PKHD1: variants seen among roughly 807,000 people sequenced by gnomAD.
The protein encoded by PKHD1 is fibrocystin.
A neutral mutation model predicts 412.0 loss-of-function variants in PKHD1; 291 were observed. The ratio of observed to expected loss-of-function variants is 0.71; its 90% CI spans 0.64 to 0.78. The LOEUF (loss-of-function observed/expected upper bound fraction) is 0.78, where lower values mean the gene tolerates loss of function less well. Among genes scored for constraint, PKHD1 ranks in the 30% least tolerant of loss-of-function variants. PKHD1 has a pLI of 0.00. For missense variants in PKHD1, 4,825 were observed against 4,950.7 expected (o/e 0.97, Z 0.76); for synonymous variants, 1,777 against 1,821.5 (o/e 0.98, Z 0.62).
chr6:51,731,485 T>C (rs1299875294), intron 60 of PKHD1, among the ~76,000 whole-genome samples: 1 of 152,190 alleles, frequency 6.6e-6, no homozygotes, highest in African/African-American at 2.4e-5. Context: ...GGCTTGAGTA[T>C]TTAAATAATA....
chr6:52,052,972 G>T, intron 21 of PKHD1, 104 bp downstream of exon 21: 1 of 1,042,362 alleles, frequency 9.6e-7, no homozygotes, highest in Non-Finnish European at 1.5e-6. Flanking sequence ...GCAAAAAGGA[G>T]GATCACCTGT....
intron 6 of PKHD1, among the ~76,000 whole-genome samples, chr6:52,075,146 C>T (rs1811174770): frequency 6.6e-6 from 1 of 152,184 alleles, no homozygotes; most frequent in African/African-American, 2.4e-5. Context: ...CCCAATGATT[C>T]AGACAAATGG....
At chr6:51,893,016 G>GTC (rs1040092617) in intron 43 of PKHD1, among the ~76,000 whole-genome samples, 2 of 152,118 alleles carry the variant, frequency 1.3e-5, no homozygotes, top group South Asian at 4.1e-4. Context: ...CTCTAGGTGT[G>GTC]TCTCTCTATA....
At chr6:52,007,771 T>C (rs377295952) in intron 35 of PKHD1, among the ~76,000 whole-genome samples, 38 of 152,322 alleles carry the variant, frequency 2.5e-4, no homozygotes, top group African/African-American at 7.2e-4. Context: ...ATTAACAATT[T>C]TCCCATTATA....
At chr6:51,824,836 A>G (rs1767056125) in intron 52 of PKHD1, among the ~76,000 whole-genome samples, 1 of 152,208 alleles carries the variant, frequency 6.6e-6, no homozygotes, top group South Asian at 2.1e-4. Context: ...CACAAGTTGC[A>G]GTTCAACAAC....
intron 43 of PKHD1, among the ~76,000 whole-genome samples, chr6:51,901,306 G>A (rs990358408): frequency 1.3e-5 from 2 of 152,168 alleles, no homozygotes; most frequent in African/African-American, 2.4e-5. Flanking sequence ...TCAAGAAAAC[G>A]TGGCACATAT....
intron 43 of PKHD1, among the ~76,000 whole-genome samples, chr6:51,900,402 G>T (rs367786860): frequency 6.6e-6 from 1 of 152,064 alleles, no homozygotes; most frequent in Non-Finnish European, 1.5e-5. Context: ...ACAAACCTGA[G>T]AAAAACAAGC....
At chr6:51,986,512 T>A (rs981471032) in intron 35 of PKHD1, among the ~76,000 whole-genome samples, 6 of 152,240 alleles carry the variant, frequency 3.9e-5, no homozygotes, top group African/African-American at 1.4e-4. Context: ...ATGGGCCATT[T>A]AGCAATTTCA....
chr6:51,943,847 C>T (rs1404994477), intron 36 of PKHD1, among the ~76,000 whole-genome samples: 4 of 151,472 alleles, frequency 2.6e-5, no homozygotes, highest in African/African-American at 4.8e-5. Context: ...GTTTCCATGC[C>T]GCCCCTAATC....
At chr6:51,661,111 C>T (rs1772786958) in intron 60 of PKHD1, among the ~76,000 whole-genome samples, 1 of 152,098 alleles carries the variant, frequency 6.6e-6, no homozygotes, top group Admixed American at 6.6e-5. Context: ...GTTTCTGTCA[C>T]TTAGGGAATT....
intron 60 of PKHD1, among the ~76,000 whole-genome samples, chr6:51,707,835 T>C (rs1780193707): frequency 6.6e-6 from 1 of 152,216 alleles, no homozygotes; most frequent in Admixed American, 6.5e-5. Context: ...GGAATGCTTT[T>C]ATTCTGTGAA....
intron 50 of PKHD1, among the ~76,000 whole-genome samples, chr6:51,844,975 G>A (rs1436498574): frequency 1.3e-5 from 2 of 152,124 alleles, no homozygotes; most frequent in Admixed American, 1.3e-4. Flanking sequence ...TACACCATCT[G>A]CATAGATTAA....
chr6:51,861,748 G>A (rs1246254763), intron 48 of PKHD1, among the ~76,000 whole-genome samples: 1 of 152,138 alleles, frequency 6.6e-6, no homozygotes, highest in Admixed American at 6.5e-5. Flanking sequence ...CAGCCTTATG[G>A]ATTCAGAAAC....
At chr6:51,873,993 C>A (rs545674780) in intron 46 of PKHD1, among the ~76,000 whole-genome samples, 1 of 152,250 alleles carries the variant, frequency 6.6e-6, no homozygotes, top group East Asian at 1.9e-4. Context: ...AATGAGATTT[C>A]TCCCAGGGAG....
At chr6:51,975,985 A>C (rs905521427) in intron 35 of PKHD1, 8 of 151,288 alleles carry the variant, frequency 5.3e-5, no homozygotes, top group Non-Finnish European at 8.8e-5. Flanking sequence ...AAAAAAAAAA[A>C]AAAAACAGAA....
intron 32 of PKHD1, among the ~76,000 whole-genome samples, chr6:52,024,087 G>A (rs370462037): frequency 6.6e-6 from 1 of 152,086 alleles, no homozygotes; most frequent in Non-Finnish European, 1.5e-5. Context: ...ATATCTAAAC[G>A]GAGAAAACAG....
intron 33 of PKHD1, among the ~76,000 whole-genome samples, chr6:52,018,918 T>C (rs1800963727): frequency 1.3e-5 from 2 of 152,242 alleles, no homozygotes; most frequent in African/African-American, 2.4e-5. Flanking sequence ...GTTTGTCTTA[T>C]TGACTTGGAT....
In PKHD1 at chr6:51,939,096, G is replaced by A. The variant is rs868137168; in HGVS notation, c.5909-4774C>T. On this transcript the variant is annotated intron_variant, in intron 36 of 66. Transcript: ENST00000371117. ...CCACATTTCAGAGGTGTCTGACCAC[G>A]TGGGGATGCCTGCCTTGGTCCTTCA... is the stretch of plus-strand genomic sequence containing the variant. Among the ~76,000 whole-genome samples the A allele has an allele frequency of 7.9e-5, 12 of 151,512 alleles. 2 individuals are homozygous for A. The highest frequency in any genetic ancestry group is 2.0e-4 in the Admixed American group (3 of 15,212).
At chr6:51,759,139 C>A (rs1332664110) in intron 55 of PKHD1, among the ~76,000 whole-genome samples, 3 of 152,136 alleles carry the variant, frequency 2.0e-5, no homozygotes, top group Non-Finnish European at 4.4e-5. Flanking sequence ...AATGAGGATT[C>A]TCAGACTGTA....
Sources: gnomAD v4.1 joint callset for allele counts (sites outside exome capture counted in the v4.1 genomes callset) on GRCh38, gnomAD v4.1.1 for gene constraint, MANE v1.5 for transcripts, NCBI Gene and HGNC (gene_info 2026-07-23, HGNC 2026-07-21) for gene names.